Variants in PTPRT observed in about 807,000 individuals in gnomAD.
PTPRT encodes the protein protein tyrosine phosphatase receptor type T.
Under a neutral mutation model 176.8 loss-of-function variants are expected in PTPRT, and 56 were observed. That is an observed-to-expected ratio of 0.32 (90% CI 0.26 to 0.40). PTPRT has a LOEUF of 0.40. PTPRT is among the 10% of genes least tolerant of loss of function. The pLI is 1.00. For synonymous variants in PTPRT, 783 were observed against 739.0 expected, an observed-to-expected ratio of 1.06 and a Z score of -0.96; for missense variants, 1,540 against 1,908.2, an observed-to-expected ratio of 0.81 and a Z score of 3.60.
intron 9 of PTPRT, among the ~76,000 whole-genome samples, chr20:42,391,544 A>T (rs1235377277): frequency 6.6e-6 from 1 of 152,130 alleles, no homozygotes; most frequent in Non-Finnish European, 1.5e-5. Context: ...CACAGAGGCA[A>T]CCTGGAGGGA....
chr20:42,947,209 G>A (rs1174284470), intron 1 of PTPRT, among the ~76,000 whole-genome samples: 1 of 152,196 alleles, frequency 6.6e-6, no homozygotes, highest in Non-Finnish European at 1.5e-5. Context: ...CAGCTGGCAT[G>A]ATGGGAGAGA....
At chr20:42,197,611 AT>A (rs1461086383) in intron 16 of PTPRT, among the ~76,000 whole-genome samples, 4 of 151,998 alleles carry the variant, frequency 2.6e-5, no homozygotes, top group Non-Finnish European at 5.9e-5. Context: ...GTTATACTTT[AT>A]TGTGGTTATG....
At chr20:42,095,976 C>T (rs1985179456) in intron 27 of PTPRT, among the ~76,000 whole-genome samples, 1 of 152,162 alleles carries the variant, frequency 6.6e-6, no homozygotes, top group African/African-American at 2.4e-5. Context: ...ATATTTTCCC[C>T]AGTTATATCC....
At chr20:42,110,632 G>T in intron 22 of PTPRT, 145 bp from the exon 23 acceptor site, 1 of 765,274 alleles carries the variant, frequency 1.3e-6, no homozygotes, top group Non-Finnish European at 1.9e-6. Flanking sequence ...TTACTGGATA[G>T]AGCGATTCTG....
chr20:42,958,307 AG>A (rs371527151), intron 1 of PTPRT, among the ~76,000 whole-genome samples: 5 of 53,648 alleles, frequency 9.3e-5, no homozygotes, highest in Admixed American at 2.1e-4. Flanking sequence ...AGGGGAGGGA[AG>A]GGGAGGGGAG....
At chr20:42,646,291 A>C (rs2074897882) in intron 7 of PTPRT, among the ~76,000 whole-genome samples, 1 of 152,180 alleles carries the variant, frequency 6.6e-6, no homozygotes, top group African/African-American at 2.4e-5. Flanking sequence ...GCAACTCTTC[A>C]GTGTGCTTTA....
At chr20:42,968,801 C>A (rs537652113) in intron 1 of PTPRT, 3 of 152,226 alleles carry the variant, frequency 2.0e-5, no homozygotes, top group African/African-American at 7.2e-5. Context: ...CCTAGGTCTG[C>A]CTGCCTCTTC....
rs2146064306 is a variant in PTPRT at position 42,677,892 on chromosome 20, G to A, written c.1127C>T (p.Pro376Leu). 6.2e-7 allele frequency: 1 copy of A among 1,614,008 alleles called. No homozygotes were observed. The highest frequency in any genetic ancestry group is 1.1e-5 in the South Asian group (1 of 91,078). ...TGCACACTTGGTCCTGGTGGTGAGG[G>A]GAGGCCCTGGCGGTCCCGTACCCCC... is the stretch of plus-strand genomic sequence containing the variant. ...GEGGTGPPGP[P>L]LTTRTKCADP... is the part of the protein sequence containing the mutation. The change falls in exon 7 of 31, where the codon CCC (proline) becomes CTC (leucine). Residue 376 changes from proline to leucine, a missense_variant. Physicochemically the swap from Pro to Leu is moderately conservative, Grantham distance 98 (BLOSUM62 -3). Coordinates refer to ENST00000373187, the MANE Select transcript of PTPRT (RefSeq NM_007050.6).
intron 4 of PTPRT, among the ~76,000 whole-genome samples, chr20:42,772,828 A>G (rs2077082432): frequency 6.6e-6 from 1 of 152,240 alleles, no homozygotes; most frequent in Non-Finnish European, 1.5e-5. Flanking sequence ...AGCTCCTACA[A>G]TGCCAGGTAC....
intron 2 of PTPRT, among the ~76,000 whole-genome samples, chr20:42,857,440 G>A (rs866443453): frequency 9.9e-5 from 15 of 152,142 alleles, no homozygotes; most frequent in South Asian, 4.2e-4. Flanking sequence ...ATCTCTCAGC[G>A]TACATTTTTT....
At chr20:42,784,407 A>G (rs1027153394) in intron 3 of PTPRT, among the ~76,000 whole-genome samples, 7 of 152,206 alleles carry the variant, frequency 4.6e-5, no homozygotes, top group African/African-American at 1.7e-4. Context: ...ACATAAATAT[A>G]CATGTTTTCA....
At chr20:42,368,599 A>T (rs1280002463) in intron 9 of PTPRT, among the ~76,000 whole-genome samples, 1 of 152,078 alleles carries the variant, frequency 6.6e-6, no homozygotes, top group East Asian at 1.9e-4. Flanking sequence ...AATCCCCCAA[A>T]TGTGAGGAAA....
chr20:42,867,221 G>T (rs1304105179), intron 2 of PTPRT, among the ~76,000 whole-genome samples: 2 of 152,116 alleles, frequency 1.3e-5, no homozygotes, highest in Non-Finnish European at 2.9e-5. Context: ...GTCTTATGAG[G>T]CTCTTGTCCC....
chr20:42,431,401 A>AT lies in PTPRT; in HGVS notation c.1560+16818dup, dbSNP rs567861061. Among the ~76,000 whole-genome samples the AT allele has an allele frequency of 6.0e-4, 91 of 152,306 alleles. 1 individual carries two copies. In the East Asian group the frequency reaches 8.7e-3, roughly 15 times the overall value. On this transcript the variant is annotated intron_variant, in intron 9 of 30. Coordinates refer to ENST00000373187, the MANE Select transcript of PTPRT (RefSeq NM_007050.6). The stretch of plus-strand genomic sequence containing the variant: ...AAGGGATGGATAAGAAAATTACGGT[A>AT]TATACACTAATGGACAATTATGCCA...
At chr20:42,707,587 C>T (rs182037312) in intron 6 of PTPRT, among the ~76,000 whole-genome samples, 187 of 152,184 alleles carry the variant, frequency 1.2e-3, no homozygotes, top group African/African-American at 4.4e-3. Flanking sequence ...GAGTGGCCAC[C>T]GGCTAATAGC....
chr20:42,349,118 C>G (rs2058239401), intron 11 of PTPRT, among the ~76,000 whole-genome samples: 1 of 152,176 alleles, frequency 6.6e-6, no homozygotes, highest in South Asian at 2.1e-4. Context: ...CAATGGCTAG[C>G]TAGACCATCT....
At chr20:42,651,274 T>C (rs2075026015) in intron 7 of PTPRT, among the ~76,000 whole-genome samples, 3 of 152,142 alleles carry the variant, frequency 2.0e-5, no homozygotes, top group Non-Finnish European at 2.9e-5. Context: ...TTAACAAACA[T>C]GGCCAAACCC....
intron 1 of PTPRT, among the ~76,000 whole-genome samples, chr20:43,073,099 GC>G (rs1411725222): frequency 2.0e-5 from 3 of 152,158 alleles, no homozygotes; most frequent in Non-Finnish European, 4.4e-5. Flanking sequence ...AAGAGGACTT[GC>G]TTACACTGCA....
intron 7 of PTPRT, among the ~76,000 whole-genome samples, chr20:42,559,937 C>T (rs766402256): frequency 4.6e-5 from 7 of 152,162 alleles, no homozygotes; most frequent in African/African-American, 1.4e-4. Context: ...GCAGCATTAC[C>T]GAGCTCTCTT....
Sources: gnomAD v4.1 joint callset for allele counts (sites outside exome capture counted in the v4.1 genomes callset) on GRCh38, gnomAD v4.1.1 for gene constraint, MANE v1.5 for transcripts, NCBI Gene and HGNC (gene_info 2026-07-23, HGNC 2026-07-21) for gene names.